The following PLXND1 variants were observed in gnomAD, a reference collection of about 807,000 sequenced individuals.
PLXND1 encodes plexin-D1.
A neutral mutation model predicts 197.7 loss-of-function variants in PLXND1; 54 were observed. The observed-to-expected ratio is 0.27, with a 90% CI of 0.22 to 0.34. The LOEUF is 0.34. PLXND1 is among the 10% of genes least tolerant of loss of function. The pLI is 1.00. For synonymous variants in PLXND1, 1,180 were observed against 1,161.2 expected (o/e 1.02, Z -0.33); for missense variants, 2,127 against 2,699.2 (o/e 0.79, Z 4.70).
At chr3:129,579,929 G>C (rs1307613523) in intron 8 of PLXND1, among the ~76,000 whole-genome samples, 1 of 152,144 alleles carries the variant, frequency 6.6e-6, no homozygotes, top group Non-Finnish European at 1.5e-5. Flanking sequence ...CCAACAACAA[G>C]AACTGATGAC....
rs763838836 is a variant in PLXND1, at chr3:129,585,990, C to T, written c.1813G>A (p.Val605Ile). The change falls in exon 5 of 36, where the codon GTC (valine) becomes ATC (isoleucine). Residue 605 changes from valine to isoleucine, a missense_variant. Val to Ile is a conservative substitution (Grantham distance 29, BLOSUM62 3). Coordinates refer to ENST00000324093, the MANE Select transcript of PLXND1 (RefSeq NM_015103.3). ...EGPSRCPAMT[V>I]LPSEIDVRQE... ...CGCACATCGATCTCGGAAGGCAGGA[C>T]GGTCATGGCAGGACAGCGGCTGGGG... 8.1e-6 allele frequency: 13 copies of T among 1,614,010 alleles called. No individual in the cohort carries two copies. The highest frequency in any genetic ancestry group is 1.1e-5 in the South Asian group (1 of 91,088).
chr3:129,586,839 A>T, intron 2 of PLXND1, 120 bp from the exon 3 acceptor site: 3 of 1,169,626 alleles, frequency 2.6e-6, no homozygotes, highest in South Asian at 2.8e-5. Context: ...ACCCTTCAGG[A>T]GGGGTGGGAA....
In PLXND1 at chr3:129,563,150, G is replaced by T. The variant is rs181182268; in HGVS notation, c.4612C>A (p.Arg1538Ser). 1.9e-6 allele frequency: 3 copies of T among 1,612,220 alleles called. No homozygotes were observed. Among genetic ancestry groups the T allele is most frequent in the Non-Finnish European group, 2.5e-6 (3 of 1,179,352 alleles). The change falls in exon 26 of 36, where the codon CGC (arginine) becomes AGC (serine). Residue 1538 changes from arginine to serine, a missense_variant. Transcript: ENST00000324093. Reference sequence around the variant, plus strand: ...AGCCACTCCTCACTGAGTGTGTAGCGGGCCTTGCCTGTGATGGCGTCGATG... The same window carrying T: ...AGCCACTCCTCACTGAGTGTGTAGCTGGCCTTGCCTGTGATGGCGTCGATG... The part of the protein sequence containing the change: ...GSIDAITGKA[R>S]YTLSEEWLLR...
intron 12 of PLXND1, among the ~76,000 whole-genome samples, chr3:129,574,001 G>A (rs1362876374): frequency 6.6e-6 from 1 of 152,196 alleles, no homozygotes; most frequent in East Asian, 1.9e-4. Context: ...GGATGCTGAG[G>A]TCAGCTTCCA....
Position 129,573,633 on chromosome 3 carries a change from G to A in PLXND1, c.2798C>T (p.Ala933Val), listed in dbSNP as rs1012086244. The change falls in exon 13 of 36, where the codon GCC becomes GTC. Residue 933 changes from alanine (A) to valine (V), a missense_variant. Physicochemically the swap from Ala to Val is moderately conservative, Grantham distance 64. This residue lies in a region of PLXND1 where 1,095 missense variants were observed against 1,259.8 expected (regional missense o/e 0.87). Coordinates refer to ENST00000324093, the MANE Select transcript of PLXND1 (RefSeq NM_015103.3). The stretch of plus-strand genomic sequence containing the variant: ...GTATCTGTCAGGCAGTGGCTCACAG[G>A]CCACACCACCAATCCACACGCCGTG... ...VAHGVWIGGV[A>V]CEPLPDRYTV... is the part of the protein sequence containing the mutation. The A allele has an allele frequency of 1.9e-6, 3 of 1,613,402 alleles. No homozygotes were observed. In the African/African-American group the frequency reaches 4.0e-5, roughly 22 times the overall value.
At chr3:129,556,511 A>G (rs2084975544) in intron 35 of PLXND1, 83 bp from the exon 36 acceptor site, 1 of 1,335,794 alleles carries the variant, frequency 7.5e-7, no homozygotes, top group African/African-American at 1.4e-5. Context: ...CTGAACGTCT[A>G]CCACGAGTGA....
chr3:129,561,810 G>A lies in PLXND1; in HGVS notation c.4919C>T (p.Ala1640Val), dbSNP rs1157403299. 1.9e-6 allele frequency: 3 copies of A among 1,611,278 alleles called. No homozygotes were observed. Residue 1640 changes from alanine to valine, a missense_variant, in exon 28 of 36, where the codon GCC (alanine) becomes GTC (valine). Physicochemically the swap from Ala to Val is moderately conservative, Grantham distance 64. Around this residue, in one of 6 missense-constraint regions of PLXND1, gnomAD observed 532 missense variants for 811.0 expected, o/e 0.66. Transcript: ENST00000324093. The part of the protein sequence containing the change: ...EDGRKKLNTL[A>V]HYKIPEGASL... ...GGGGCAGGGCTGCACCTTGTAATGG[G>A]CCAGCGTGTTAAGCTTCTTGCGGCC...
At chr3:129,602,105 A>G (rs1382782474) in intron 1 of PLXND1, among the ~76,000 whole-genome samples, 1 of 152,212 alleles carries the variant, frequency 6.6e-6, no homozygotes, top group East Asian at 1.9e-4. Flanking sequence ...CGCCAGGTAC[A>G]TAAATGATCT....
intron 1 of PLXND1, among the ~76,000 whole-genome samples, chr3:129,600,301 G>A (rs1463798222): frequency 6.6e-6 from 1 of 152,186 alleles, no homozygotes; most frequent in Non-Finnish European, 1.5e-5. Flanking sequence ...GTCCACTGAG[G>A]CCAGTTTTTT....
chr3:129,586,846 G>A, intron 2 of PLXND1, 127 bp from the exon 3 acceptor site: 1 of 1,086,842 alleles, frequency 9.2e-7, no homozygotes, highest in Non-Finnish European at 1.3e-6. Context: ...AGGAGGGGTG[G>A]GAAGTCACGG....
intron 1 of PLXND1, among the ~76,000 whole-genome samples, chr3:129,597,798 T>TG (rs1560083231): frequency 6.6e-6 from 1 of 152,186 alleles, no homozygotes; most frequent in Non-Finnish European, 1.5e-5. Flanking sequence ...CGGCTGTACT[T>TG]GGGGGGCAGT....
At chr3:129,579,017 C>G (rs1318115878) in intron 8 of PLXND1, among the ~76,000 whole-genome samples, 1 of 152,220 alleles carries the variant, frequency 6.6e-6, no homozygotes, top group Non-Finnish European at 1.5e-5. Flanking sequence ...GTATAAGTCA[C>G]AGCCTCTAGG....
chr3:129,598,251 T>A (rs1281971759), intron 1 of PLXND1, among the ~76,000 whole-genome samples: 1 of 152,190 alleles, frequency 6.6e-6, no homozygotes. Flanking sequence ...TGTCAAGTGC[T>A]GCTCCAACCT....
In PLXND1 at chr3:129,606,457, G is replaced by A; in HGVS notation, c.183C>T (p.Asn61=). ...RRFPSPTPTN[N]FALDGAAGTV... ...TCCCCGCCGCGCCGTCCAGGGCGAA[G>A]TTGTTGGTGGGCGTGGGCGAGGGGA... The change falls in exon 1 of 36, where the codon AAC becomes AAT. Residue 61 remains asparagine, a synonymous_variant. Coordinates refer to ENST00000324093, the MANE Select transcript of PLXND1 (RefSeq NM_015103.3). 6.9e-7 allele frequency: 1 copy of A among 1,452,752 alleles called. No homozygotes were observed. The highest frequency in any genetic ancestry group is 9.0e-7 in the Non-Finnish European group (1 of 1,108,462). The allele number at this position is 1,452,752 out of a possible 1,614,324, so 90.0% of individuals were successfully genotyped here.
chr3:129,555,687 C>A lies in PLXND1; in HGVS notation c.*625G>T. On this transcript the variant is annotated 3_prime_UTR_variant, in exon 36 of 36. Coordinates refer to ENST00000324093, the MANE Select transcript of PLXND1 (RefSeq NM_015103.3). ...CTGTGCCCCCCATCCCTCCCCTCCA[C>A]CCTCCCTGCTCCTGGAGAAGCCCAC... 1.8e-6 allele frequency: 1 copy of A among 540,634 alleles called. No homozygotes were observed. Among genetic ancestry groups the A allele is most frequent in the South Asian group, 2.5e-5 (1 of 39,936 alleles). 33.5% of individuals were successfully genotyped at this position (540,634 alleles called of 1,614,324 possible).
At chr3:129,604,128 C>T (rs1215650090) in intron 1 of PLXND1, among the ~76,000 whole-genome samples, 1 of 152,164 alleles carries the variant, frequency 6.6e-6, no homozygotes, top group African/African-American at 2.4e-5. Flanking sequence ...TCAACCTGGC[C>T]CCCCTTGCTA....
chr3:129,594,761 A>G (rs1228949483), intron 1 of PLXND1, among the ~76,000 whole-genome samples: 1 of 152,146 alleles, frequency 6.6e-6, no homozygotes, highest in Non-Finnish European at 1.5e-5. Flanking sequence ...TAACGGTAAG[A>G]TGTTAGCAAT....
intron 1 of PLXND1, 106 bp from the exon 2 acceptor site, chr3:129,589,633 T>C (rs2085509521): frequency 3.1e-6 from 3 of 981,514 alleles, no homozygotes; most frequent in Non-Finnish European, 4.5e-6. Context: ...CTTTCAAGTC[T>C]TGTTCCTACT....
chr3:129,559,007 C>A (rs2085017519), intron 32 of PLXND1, among the ~76,000 whole-genome samples: 1 of 152,132 alleles, frequency 6.6e-6, no homozygotes, highest in Admixed American at 6.5e-5. Context: ...AGAGGGTGAG[C>A]AACACCCCCA....
Sources: gnomAD v4.1 joint callset for allele counts (sites outside exome capture counted in the v4.1 genomes callset) on GRCh38, gnomAD v4.1.1 for gene constraint, gnomAD v4.1.1 regional missense constraint, MANE v1.5 for transcripts, NCBI Gene and HGNC (gene_info 2026-07-23, HGNC 2026-07-21) for gene names.